Variants in TASP1 observed in about 807,000 individuals in gnomAD.
The protein encoded by TASP1 is threonine aspartase 1.
TASP1 carries 16 observed loss-of-function variants against 56.6 expected under a neutral mutation model. The observed-to-expected ratio is 0.28, with a 90% CI of 0.19 to 0.43. The LOEUF (loss-of-function observed/expected upper bound fraction) is 0.43, where lower values mean the gene tolerates loss of function less well. Ranked by LOEUF, TASP1 falls within the 20% of genes least tolerant of loss-of-function variation. The pLI, the probability that TASP1 is intolerant of heterozygous loss-of-function variation, is 1.00. For missense variants in TASP1, 393 were observed against 511.6 expected, an observed-to-expected ratio of 0.77 and a Z score of 2.24; for synonymous variants, 179 against 184.2, an observed-to-expected ratio of 0.97 and a Z score of 0.23.
At chr20:13,410,651 C>T (rs1280772663) in intron 13 of TASP1, among the ~76,000 whole-genome samples, 1 of 151,990 alleles carries the variant, frequency 6.6e-6, no homozygotes, top group Non-Finnish European at 1.5e-5. Flanking sequence ...CTACTCATGT[C>T]TTTTGGCTAC....
chr20:13,185,354 C>G, the TASP1 span, among the ~76,000 whole-genome samples: 1 of 152,096 alleles, frequency 6.6e-6, no homozygotes, highest in South Asian at 2.1e-4. Context: ...GCTCCACTGC[C>G]ATCTTTCTGA....
the TASP1 span, among the ~76,000 whole-genome samples, chr20:13,186,040 G>T: frequency 6.6e-6 from 1 of 152,180 alleles, no homozygotes; most frequent in South Asian, 2.1e-4. Context: ...AGCTGTTGAA[G>T]CCTAAAGTAG....
the TASP1 span, among the ~76,000 whole-genome samples, chr20:13,214,554 C>CAG: frequency 3.8e-5 from 4 of 105,262 alleles, no homozygotes; most frequent in African/African-American, 1.5e-4. Flanking sequence ...CACACACACA[C>CAG]ACACACACAG....
the TASP1 span, among the ~76,000 whole-genome samples, chr20:13,120,890 T>G: frequency 6.6e-6 from 1 of 152,174 alleles, no homozygotes; most frequent in Non-Finnish European, 1.5e-5. Flanking sequence ...CACTTTGGGT[T>G]TGGAGCCGCT....
intron 4 of TASP1, among the ~76,000 whole-genome samples, chr20:13,594,085 G>A (rs1348734812): frequency 6.6e-6 from 1 of 152,156 alleles, no homozygotes; most frequent in Non-Finnish European, 1.5e-5. Flanking sequence ...AGGCAAACAG[G>A]GTCTGGAGTG....
At chr20:13,296,484 C>T in the TASP1 span, among the ~76,000 whole-genome samples, 1 of 152,164 alleles carries the variant, frequency 6.6e-6, no homozygotes, top group Non-Finnish European at 1.5e-5. Context: ...ACGCTGTGAC[C>T]ATAAGATCTG....
chr20:13,368,342 A>G, the TASP1 span: 2 of 152,236 alleles, frequency 1.3e-5, no homozygotes, highest in South Asian at 4.1e-4. Context: ...TTTTCTGAGC[A>G]GTATTCTTGG....
At chr20:13,406,332 C>T (rs1480225888) in intron 13 of TASP1, among the ~76,000 whole-genome samples, 2 of 152,268 alleles carry the variant, frequency 1.3e-5, no homozygotes, top group Non-Finnish European at 1.5e-5. Flanking sequence ...TTTAGATTGT[C>T]TTTTATTTCT....
intron 12 of TASP1, among the ~76,000 whole-genome samples, chr20:13,429,900 C>T (rs2042747094): frequency 6.6e-6 from 1 of 152,048 alleles, no homozygotes; most frequent in African/African-American, 2.4e-5. Context: ...GAAGTCTTCT[C>T]TCCTGCCCCT....
intron 13 of TASP1, among the ~76,000 whole-genome samples, chr20:13,407,259 A>C (rs1438184066): frequency 6.6e-6 from 1 of 152,196 alleles, no homozygotes; most frequent in African/African-American, 2.4e-5. Flanking sequence ...CCTTACCTCT[A>C]CCACTAATCT....
the TASP1 span, among the ~76,000 whole-genome samples, chr20:13,268,344 CTTCCT>C: frequency 1.8e-5 from 1 of 55,884 alleles, no homozygotes; most frequent in Non-Finnish European, 3.7e-5. Context: ...TCTCCTTCTT[CTTCCT>C]CTCTCTCTCT....
At chr20:13,386,516 T>C (rs555926186), downstream of TASP1, among the ~76,000 whole-genome samples, 3 of 152,338 alleles carry the variant, frequency 2.0e-5, no homozygotes, top group South Asian at 6.2e-4. Context: ...CCCACAATTA[T>C]TAATACAATC....
At chr20:13,537,946 A>G (rs1255234217) in intron 8 of TASP1, among the ~76,000 whole-genome samples, 1 of 152,166 alleles carries the variant, frequency 6.6e-6, no homozygotes, top group Non-Finnish European at 1.5e-5. Flanking sequence ...CCCACCAGAA[A>G]ATTAAGCTTC....
intron 12 of TASP1, among the ~76,000 whole-genome samples, chr20:13,432,532 A>G (rs1473435085): frequency 6.6e-6 from 1 of 152,220 alleles, no homozygotes; most frequent in Non-Finnish European, 1.5e-5. Context: ...CTTTTATAGA[A>G]AGTTCACATA....
chr20:13,504,683 T>C (rs2044065857), intron 10 of TASP1, among the ~76,000 whole-genome samples: 1 of 151,980 alleles, frequency 6.6e-6, no homozygotes, highest in African/African-American at 2.4e-5. Flanking sequence ...ATACACAACA[T>C]AAAAAGATGT....
chr20:13,517,649 A>G lies in TASP1; in HGVS notation c.874+10784T>C, dbSNP rs1175472981. Reference sequence around the variant, plus strand: ...ATTTAAAATCTCTAAGATACAAGTAACATGTCGCACTGAATGAAAGGAAGA... The same window carrying G: ...ATTTAAAATCTCTAAGATACAAGTAGCATGTCGCACTGAATGAAAGGAAGA... On this transcript the variant is annotated intron_variant, in intron 10 of 13. Transcript: ENST00000337743. 5.9e-5 allele frequency among the ~76,000 whole-genome samples: 9 copies of G among 152,248 alleles called. No individual in the cohort carries two copies. The East Asian group carries it at 1.7e-3, about 29-fold the overall frequency.
the TASP1 span, among the ~76,000 whole-genome samples, chr20:13,244,843 C>T: frequency 6.6e-6 from 1 of 152,148 alleles, no homozygotes; most frequent in Non-Finnish European, 1.5e-5. Context: ...ATCTGCTTTG[C>T]CTGGTGTATA....
chr20:13,252,663 G>C, the TASP1 span, among the ~76,000 whole-genome samples: 1 of 152,228 alleles, frequency 6.6e-6, no homozygotes, highest in East Asian at 1.9e-4. Context: ...GCTGAGGCAG[G>C]AGAATCGCTT....
chr20:13,393,685 C>T (rs2041382510), intron 13 of TASP1: 2 of 1,249,646 alleles, frequency 1.6e-6, no homozygotes, highest in African/African-American at 2.9e-5. Flanking sequence ...GACCCCTGGA[C>T]CACCAGCCCC....
Sources: allele counts gnomAD v4.1 joint callset (sites outside exome capture counted in the v4.1 genomes callset), GRCh38; gene constraint gnomAD v4.1.1; transcripts MANE v1.5; gene names NCBI Gene and HGNC (gene_info 2026-07-23, HGNC 2026-07-21).